The following AP2A2 variants were observed in gnomAD, a reference collection of about 807,000 sequenced individuals.
AP2A2 encodes the protein AP-2 complex subunit alpha-2.
In AP2A2, 32 loss-of-function variants were observed where a neutral mutation model predicts 104.2. That is an observed-to-expected ratio of 0.31 (90% confidence interval 0.23 to 0.41). The LOEUF is 0.41. Among genes scored for constraint, AP2A2 ranks in the 10% least tolerant of loss-of-function variants. AP2A2 has a pLI of 1.00. For synonymous variants in AP2A2, 539 were observed against 533.3 expected (o/e 1.01, Z -0.15); for missense variants, 912 against 1,261.0 (o/e 0.72, Z 4.19).
intron 6 of AP2A2, among the ~76,000 whole-genome samples, chr11:983,610 C>T (rs537694908): frequency 1.3e-5 from 2 of 151,840 alleles, no homozygotes; most frequent in East Asian, 2.0e-4. Context: ...GTCTCGATCT[C>T]CTGACCTTGT....
intron 6 of AP2A2, among the ~76,000 whole-genome samples, chr11:983,341 C>T (rs1227097625): frequency 6.7e-6 from 1 of 149,814 alleles, no homozygotes; most frequent in Non-Finnish European, 1.5e-5. Context: ...CCTCTACTTT[C>T]TTTGGGTTAA....
intron 15 of AP2A2, among the ~76,000 whole-genome samples, 164 bp downstream of exon 15, chr11:1,000,762 G>A (rs1856005915): frequency 6.6e-6 from 1 of 152,158 alleles, no homozygotes; most frequent in African/African-American, 2.4e-5. Context: ...TGGGTTTGCT[G>A]TGTCATTCCT....
chr11:970,472 C>T (rs1454822768), intron 3 of AP2A2, among the ~76,000 whole-genome samples, 161 bp downstream of exon 3: 2 of 152,248 alleles, frequency 1.3e-5, no homozygotes, highest in Non-Finnish European at 2.9e-5. Flanking sequence ...CTTGTTAGCA[C>T]CTGCTGCCAA....
chr11:943,464 T>C (rs1853724175), intron 1 of AP2A2: 1 of 163,080 alleles, frequency 6.1e-6, no homozygotes, highest in African/African-American at 2.4e-5. Context: ...AGGCCCAGGG[T>C]GTGGCACCGG....
intron 14 of AP2A2, among the ~76,000 whole-genome samples, chr11:997,225 C>T (rs1450711645): frequency 6.6e-6 from 1 of 152,178 alleles, no homozygotes; most frequent in Non-Finnish European, 1.5e-5. Context: ...TTCTTCCGAG[C>T]ATCCTCTTTC....
intron 1 of AP2A2, among the ~76,000 whole-genome samples, chr11:941,993 C>T (rs1483598652): frequency 1.3e-5 from 2 of 151,956 alleles, no homozygotes; most frequent in African/African-American, 4.8e-5. Flanking sequence ...GTAGCGTGAT[C>T]TTGGCTCACT....
chr11:925,889 C>G lies in AP2A2; in HGVS notation c.-133C>G, dbSNP rs1174737093. Reference sequence around the variant, plus strand: ...CGGCCCAGAAAGCGGCGCTGGGACCCTGAGGCGGCCGTGGTTAGGCGGCTC... The same window carrying G: ...CGGCCCAGAAAGCGGCGCTGGGACCGTGAGGCGGCCGTGGTTAGGCGGCTC... On this transcript the variant is annotated 5_prime_UTR_variant, in exon 1 of 22. Transcript: ENST00000448903. 1 of 594,888 alleles carries G rather than the reference C, an allele frequency of 1.7e-6. No homozygotes were observed. The highest frequency in any genetic ancestry group is 2.0e-5 in the African/African-American group (1 of 50,632). 36.9% of individuals were successfully genotyped at this position (594,888 alleles called of 1,614,324 possible).
At chr11:990,325 C>T (rs1855602975) in intron 10 of AP2A2, among the ~76,000 whole-genome samples, 1 of 152,122 alleles carries the variant, frequency 6.6e-6, no homozygotes, top group African/African-American at 2.4e-5. Context: ...GGCAGGTGCT[C>T]GTTGACTGTA....
rs1265772989 is a variant in AP2A2 at position 1,011,207 on chromosome 11, G to A, written c.*582G>A. ...TTGTAATGACTTCTGGCAAAAGCAC[G>A]TGTCCTGGCCGGATGTAACTGTTCT... On this transcript the variant is annotated 3_prime_UTR_variant, in exon 22 of 22. Transcript: ENST00000448903. 1 of 520,784 alleles carries A rather than the reference G, an allele frequency of 1.9e-6. No homozygotes were observed. 32.3% of individuals were successfully genotyped at this position (520,784 alleles called of 1,614,324 possible). A position where few individuals can be genotyped will look rare whatever the true frequency, so the allele number is the denominator to read the frequency against.
chr11:1,006,640 A>T (rs1462411147), intron 17 of AP2A2, 23 bp downstream of exon 17: 1 of 1,576,192 alleles, frequency 6.3e-7, no homozygotes. Flanking sequence ...TCATTGCCCC[A>T]TGCCCGCAGA....
intron 10 of AP2A2, among the ~76,000 whole-genome samples, chr11:990,035 G>C (rs1348354181): frequency 6.6e-6 from 1 of 152,226 alleles, no homozygotes; most frequent in Non-Finnish European, 1.5e-5. Context: ...ATGCCCAGGT[G>C]AGAGACTCGG....
At position 1,008,004 on chromosome 11, in the gene AP2A2, G is replaced by A. The variant is rs375919425; in HGVS notation, c.2297-8G>A. On this transcript the variant is annotated splice_polypyrimidine_tract_variant and splice_region_variant and intron_variant, in intron 17 of 21. Coordinates refer to ENST00000448903, the MANE Select transcript of AP2A2 (RefSeq NM_012305.4). The stretch of plus-strand genomic sequence containing the variant: ...GACTTGCTCAGCTGGATTCCTTAAC[G>A]CACGCACACCTGAACCTGCAGACCA... The A allele has an allele frequency of 1.9e-4, 302 of 1,554,384 alleles. No homozygotes were observed. Among genetic ancestry groups the A allele is most frequent in the Middle Eastern group, 3.3e-4 (2 of 6,014 alleles).
intron 1 of AP2A2, among the ~76,000 whole-genome samples, chr11:943,630 C>T (rs1037898320): frequency 3.3e-5 from 5 of 152,226 alleles, no homozygotes; most frequent in Admixed American, 3.3e-4. Flanking sequence ...AAGGTGAAAG[C>T]TGCGAAGAGT....
chr11:971,841 C>T (rs552738654), intron 3 of AP2A2, among the ~76,000 whole-genome samples: 9 of 152,280 alleles, frequency 5.9e-5, no homozygotes, highest in South Asian at 2.1e-4. Flanking sequence ...CCCACAGGAA[C>T]GCTGCGCCAT....
intron 14 of AP2A2, among the ~76,000 whole-genome samples, chr11:999,176 G>GT (rs922763666): frequency 1.3e-5 from 2 of 152,140 alleles, no homozygotes; most frequent in African/African-American, 4.8e-5. Context: ...GTGCCCTGTT[G>GT]TGAGAGTTTA....
chr11:929,525 G>A (rs1426448906), intron 1 of AP2A2, among the ~76,000 whole-genome samples: 1 of 152,228 alleles, frequency 6.6e-6, no homozygotes, highest in Non-Finnish European at 1.5e-5. Flanking sequence ...ATTTTGAGCT[G>A]AAATATCGTT....
At chr11:936,435 C>G (rs568132819) in intron 1 of AP2A2, among the ~76,000 whole-genome samples, 31 of 152,150 alleles carry the variant, frequency 2.0e-4, no homozygotes, top group Non-Finnish European at 3.8e-4. Flanking sequence ...TTCGCATTGC[C>G]CAGGCTGGAG....
intron 2 of AP2A2, among the ~76,000 whole-genome samples, chr11:963,405 G>A (rs375006519): frequency 3.3e-5 from 5 of 151,920 alleles, no homozygotes; most frequent in Middle Eastern, 3.4e-3. Flanking sequence ...CAGCCTGGGC[G>A]ACAGAGTGAG....
intron 1 of AP2A2, among the ~76,000 whole-genome samples, chr11:947,414 G>C (rs1853884792): frequency 6.6e-6 from 1 of 152,204 alleles, no homozygotes; most frequent in African/African-American, 2.4e-5. Context: ...GCACAAAAGA[G>C]AAGTGAGGGA....
Sources: allele counts gnomAD v4.1 joint callset (sites outside exome capture counted in the v4.1 genomes callset), GRCh38; gene constraint gnomAD v4.1.1; transcripts MANE v1.5; gene names NCBI Gene and HGNC (gene_info 2026-07-23, HGNC 2026-07-21).